TMEM135: variants seen among roughly 807,000 people sequenced by gnomAD.
The protein encoded by TMEM135 is transmembrane protein 135.
Under a neutral mutation model 60.3 loss-of-function variants are expected in TMEM135, and 30 were observed. The observed-to-expected ratio is 0.50, with a 90% CI of 0.37 to 0.68. The LOEUF is 0.68. Among genes scored for constraint, TMEM135 ranks in the 30% least tolerant of loss-of-function variants. TMEM135 has a pLI of 0.00. For synonymous variants in TMEM135, 190 were observed against 186.7 expected, an observed-to-expected ratio of 1.02 and a Z score of -0.14; for missense variants, 468 against 548.8, an observed-to-expected ratio of 0.85 and a Z score of 1.47.
intron 4 of TMEM135, among the ~76,000 whole-genome samples, chr11:87,099,120 C>G (rs1433561905): frequency 1.3e-5 from 2 of 152,150 alleles, no homozygotes; most frequent in African/African-American, 4.8e-5. Flanking sequence ...CACTCACATG[C>G]TTTTCTATAG....
intron 5 of TMEM135, among the ~76,000 whole-genome samples, chr11:87,168,879 G>C (rs1939144432): frequency 1.3e-5 from 2 of 151,836 alleles, no homozygotes; most frequent in African/African-American, 4.8e-5. Context: ...CTGTCTCGTT[G>C]ATCTAATATG....
intron 6 of TMEM135, among the ~76,000 whole-genome samples, chr11:87,255,006 T>G (rs1941494808): frequency 6.6e-6 from 1 of 152,142 alleles, no homozygotes; most frequent in Non-Finnish European, 1.5e-5. Context: ...CTAAATAGGT[T>G]AATACTACAA....
At chr11:87,212,694 G>A (rs1005292743) in intron 5 of TMEM135, among the ~76,000 whole-genome samples, 1 of 151,972 alleles carries the variant, frequency 6.6e-6, no homozygotes, top group Non-Finnish European at 1.5e-5. Flanking sequence ...ATGGTGGCAT[G>A]TGCTTGTGGT....
At chr11:87,183,658 T>C (rs1939578164) in intron 5 of TMEM135, among the ~76,000 whole-genome samples, 1 of 152,054 alleles carries the variant, frequency 6.6e-6, no homozygotes, top group African/African-American at 2.4e-5. Flanking sequence ...CTATATGCTA[T>C]GTGTTTAAAA....
Position 87,214,783 on chromosome 11 carries a change from A to G in TMEM135, c.463-21855A>G, listed in dbSNP as rs541296432. Among the ~76,000 whole-genome samples the G allele has an allele frequency of 2.6e-5, 4 of 152,294 alleles. No homozygotes were observed. The East Asian group carries it at 5.8e-4, about 22-fold the overall frequency. On this transcript the variant is annotated intron_variant, in intron 5 of 14. Coordinates refer to ENST00000305494, the MANE Select transcript of TMEM135 (RefSeq NM_022918.4). ...TTTGCTATAACGACTGATTAGTTAC[A>G]AGATCTTTTTCAGCCAAAGTTCTTA...
At chr11:87,286,969 C>A (rs959275304) in intron 6 of TMEM135, among the ~76,000 whole-genome samples, 2 of 152,070 alleles carry the variant, frequency 1.3e-5, no homozygotes, top group Non-Finnish European at 2.9e-5. Context: ...TACTGAGTGA[C>A]TTAGATGGCT....
At chr11:87,221,671 C>G (rs1591114349) in intron 5 of TMEM135, among the ~76,000 whole-genome samples, 1 of 152,134 alleles carries the variant, frequency 6.6e-6, no homozygotes, top group Admixed American at 6.5e-5. Flanking sequence ...AACGTCTGGT[C>G]TATAAATTTC....
At chr11:87,161,009 C>T (rs1938856723) in intron 5 of TMEM135, among the ~76,000 whole-genome samples, 2 of 152,156 alleles carry the variant, frequency 1.3e-5, no homozygotes, top group African/African-American at 4.8e-5. Flanking sequence ...AAGTGATTCT[C>T]CTGCCTCAGC....
rs1299013899 is a variant in TMEM135, at chr11:87,327,189, G to A, written c.*5856G>A. On this transcript the variant is annotated 3_prime_UTR_variant, in exon 15 of 15. Coordinates refer to ENST00000305494, the MANE Select transcript of TMEM135 (RefSeq NM_022918.4). ...CCTGTTTTGGCCAATAAAATGTAAT[G>A]GAAAATCTGGGAAACACTTGGGAAA... 1 of 453,976 alleles carries A rather than the reference G, an allele frequency of 2.2e-6. No homozygotes were observed. The highest frequency in any genetic ancestry group is 7.0e-5 in the East Asian group (1 of 14,386). 28.1% of individuals were successfully genotyped at this position (453,976 alleles called of 1,614,324 possible).
At chr11:87,190,237 G>C (rs1939765684) in intron 5 of TMEM135, among the ~76,000 whole-genome samples, 1 of 152,152 alleles carries the variant, frequency 6.6e-6, no homozygotes, top group South Asian at 2.1e-4. Context: ...TCTCTGTGAA[G>C]TACTGTCACT....
intron 6 of TMEM135, among the ~76,000 whole-genome samples, chr11:87,242,841 A>G (rs1449790329): frequency 2.0e-5 from 3 of 147,474 alleles, no homozygotes; most frequent in Non-Finnish European, 3.0e-5. Context: ...TGGTGTGCAG[A>G]AGCTCTTTAG....
At chr11:87,251,326 G>C (rs575874846) in intron 6 of TMEM135, among the ~76,000 whole-genome samples, 11 of 152,260 alleles carry the variant, frequency 7.2e-5, no homozygotes, top group Middle Eastern at 3.4e-3. Flanking sequence ...AGCATAGGCA[G>C]TAGGAAAGGA....
At chr11:87,306,913 G>T (rs981724437) in intron 9 of TMEM135, among the ~76,000 whole-genome samples, 6 of 151,944 alleles carry the variant, frequency 3.9e-5, no homozygotes, top group African/African-American at 1.5e-4. Flanking sequence ...TAGAGGCAGG[G>T]TTTCACCATG....
chr11:87,053,904 G>T (rs1949866881), intron 1 of TMEM135, among the ~76,000 whole-genome samples: 1 of 152,094 alleles, frequency 6.6e-6, no homozygotes, highest in Admixed American at 6.5e-5. Flanking sequence ...ATTGAGATTT[G>T]TGTATTTTTT....
chr11:87,159,331 T>C (rs1938796796), intron 5 of TMEM135, among the ~76,000 whole-genome samples: 1 of 152,208 alleles, frequency 6.6e-6, no homozygotes, highest in Admixed American at 6.5e-5. Context: ...TACCATCTGC[T>C]ATTCTTCACA....
intron 4 of TMEM135, among the ~76,000 whole-genome samples, chr11:87,110,615 G>T (rs1471343860): frequency 2.0e-5 from 3 of 152,142 alleles, no homozygotes; most frequent in African/African-American, 7.2e-5. Flanking sequence ...AGAGGGAAAA[G>T]AAGCTATTAA....
At chr11:87,060,043 G>A (rs997717492) in intron 1 of TMEM135, among the ~76,000 whole-genome samples, 1 of 152,182 alleles carries the variant, frequency 6.6e-6, no homozygotes, top group Non-Finnish European at 1.5e-5. Context: ...GAACCGGGAG[G>A]TGTAGGTTGC....
chr11:87,060,029 G>C (rs553380204), intron 1 of TMEM135, among the ~76,000 whole-genome samples: 36 of 152,206 alleles, frequency 2.4e-4, no homozygotes, highest in Non-Finnish European at 4.3e-4. Flanking sequence ...CAGGAGAATC[G>C]CTTGAACCGG....
At chr11:87,066,361 A>G (rs1856651331) in intron 1 of TMEM135, among the ~76,000 whole-genome samples, 2 of 152,146 alleles carry the variant, frequency 1.3e-5, no homozygotes, top group Non-Finnish European at 2.9e-5. Flanking sequence ...CTTCCCCTGT[A>G]TTAAACTGAC....
Sources: allele counts gnomAD v4.1 joint callset (sites outside exome capture counted in the v4.1 genomes callset), GRCh38; gene constraint gnomAD v4.1.1; transcripts MANE v1.5; gene names NCBI Gene and HGNC (gene_info 2026-07-23, HGNC 2026-07-21).